ASPM: variants seen among roughly 807,000 people sequenced by gnomAD.
The protein encoded by ASPM is assembly factor for spindle microtubules.
A neutral mutation model predicts 366.4 loss-of-function variants in ASPM; 256 were observed. That is an observed-to-expected ratio of 0.70 (90% CI 0.63 to 0.77). The LOEUF is 0.77. Among genes scored for constraint, ASPM ranks in the 30% least tolerant of loss-of-function variants. The pLI is 0.00. For synonymous variants in ASPM, 1,414 were observed against 1,342.9 expected, an observed-to-expected ratio of 1.05 and a Z score of -1.16; for missense variants, 4,146 against 4,090.4, an observed-to-expected ratio of 1.01 and a Z score of -0.37.
At chr1:197,133,226 G>A (rs1658316293) in intron 6 of ASPM, 124 bp downstream of exon 6, 1 of 971,018 alleles carries the variant, frequency 1.0e-6, no homozygotes, top group Admixed American at 2.8e-5. Context: ...ACATCATGTT[G>A]TATACCTTAA....
Position 197,090,973 on chromosome 1 carries a change from C to T in ASPM, c.9513G>A (p.Glu3171=), listed in dbSNP as rs1656764848. 1.9e-6 allele frequency: 3 copies of T among 1,612,630 alleles called. No individual in the cohort carries two copies. Among genetic ancestry groups the T allele is most frequent in the Admixed American group, 1.7e-5 (1 of 59,938 alleles). ...GGCTCAGACATTCTTGACCTTCATG[C>T]TCAATCTTTTTGATGCTATGATATT... ...IQKYHSIKKI[E]HEGQECLSQR... Residue 3171 remains glutamate, a synonymous_variant, in exon 23 of 28, where the codon GAG becomes GAA. Coordinates refer to ENST00000367409, the MANE Select transcript of ASPM (RefSeq NM_018136.5).
chr1:197,132,761 A>G (rs1043287342), intron 6 of ASPM, among the ~76,000 whole-genome samples: 2 of 149,058 alleles, frequency 1.3e-5, no homozygotes, highest in Non-Finnish European at 3.0e-5. Flanking sequence ...TATGATAAAT[A>G]TATATATATT....
intron 13 of ASPM, among the ~76,000 whole-genome samples, chr1:197,123,346 G>A (rs1017737099): frequency 2.0e-5 from 3 of 152,250 alleles, no homozygotes; most frequent in South Asian, 4.1e-4. Context: ...AGCTGGCTAT[G>A]AGGGCCCAGG....
In ASPM at chr1:197,122,041, C is replaced by T; in HGVS notation, c.3744G>A (p.Val1248=). 6.2e-7 allele frequency: 1 copy of T among 1,611,440 alleles called. No homozygotes were observed. Among genetic ancestry groups the T allele is most frequent in the Non-Finnish European group, 8.5e-7 (1 of 1,178,452 alleles). The change falls in exon 16 of 28, where the codon GTG becomes GTA. Residue 1248 remains valine (V), a splice_region_variant and synonymous_variant. Coordinates refer to ENST00000367409, the MANE Select transcript of ASPM (RefSeq NM_018136.5). ...AAAGAAATGACAAATAGGTAATAAC[C>T]ACCTAAAAAAAACCCACAAAAGATA... ...DMSNTIPDEK[V]VITYLSFLCA... is the part of the protein sequence containing the mutation.
chr1:197,130,788 C>A (rs1658233163), intron 7 of ASPM, among the ~76,000 whole-genome samples: 1 of 152,116 alleles, frequency 6.6e-6, no homozygotes. Flanking sequence ...GATTATACAT[C>A]CCCACCACCT....
In ASPM at chr1:197,129,208, G is replaced by T; in HGVS notation, c.2739C>A (p.Phe913Leu). 6.2e-7 allele frequency: 1 copy of T among 1,612,430 alleles called. No individual in the cohort carries two copies. The highest frequency in any genetic ancestry group is 8.5e-7 in the Non-Finnish European group (1 of 1,178,770). Reference sequence around the variant, plus strand: ...ATACCTTGAATTCGGCATCTTTACAGAAGAGACAAGGATCATGATCAATGA... The same window carrying T: ...ATACCTTGAATTCGGCATCTTTACATAAGAGACAAGGATCATGATCAATGA... ...SRLIDHDPCL[F>L]CKDAEFKASK... Residue 913 changes from phenylalanine to leucine, a missense_variant, in exon 9 of 28, where the codon TTC becomes TTA. Phe to Leu is a conservative substitution (Grantham distance 22). Transcript: ENST00000367409.
chr1:197,138,069 C>T (rs1331885661), intron 4 of ASPM, among the ~76,000 whole-genome samples: 2 of 152,160 alleles, frequency 1.3e-5, no homozygotes, highest in Non-Finnish European at 2.9e-5. Context: ...GAGTCCCCAA[C>T]AAAGCCTCAA....
intron 17 of ASPM, among the ~76,000 whole-genome samples, chr1:197,107,192 GT>G (rs1370736712): frequency 6.6e-6 from 1 of 151,958 alleles, no homozygotes; most frequent in African/African-American, 2.4e-5. Flanking sequence ...GAATTTCTAG[GT>G]TCACCACCAA....
In ASPM at chr1:197,101,612, T is replaced by C. The variant is rs2125094153; in HGVS notation, c.7639A>G (p.Arg2547Gly). The C allele has an allele frequency of 6.2e-7, 1 of 1,611,182 alleles. No homozygotes were observed. Among genetic ancestry groups the C allele is most frequent in the Non-Finnish European group, 8.5e-7 (1 of 1,179,032 alleles). ...TTGTGTTTTTCCCTTAAAAGTTGTCTTGCTTTCATTCCTTTATATGCAGCC... is the reference window on the plus strand; with the variant it reads ...TTGTGTTTTTCCCTTAAAAGTTGTCCTGCTTTCATTCCTTTATATGCAGCC... ...IQAAYKGMKA[R>G]QLLREKHKAS... The change falls in exon 18 of 28, where the codon AGA (arginine) becomes GGA (glycine). Residue 2547 changes from arginine (R) to glycine (G), a missense_variant. By Grantham distance (125) the Arg-to-Gly change is moderately radical (BLOSUM62 -2). Around this residue, in one of 3 missense-constraint regions of ASPM, gnomAD observed 3,624 missense variants for 3,591.7 expected, o/e 1.01. Coordinates refer to ENST00000367409, the MANE Select transcript of ASPM (RefSeq NM_018136.5).
In ASPM at chr1:197,143,067, T is replaced by C. The variant is rs183395856; in HGVS notation, c.1185A>G (p.Gln395=). 5.6e-5 allele frequency: 91 copies of C among 1,613,032 alleles called. No individual in the cohort carries two copies. The East Asian group carries it at 8.7e-4, about 15-fold the overall frequency. Residue 395 remains glutamine, a synonymous_variant, in exon 3 of 28, where the codon CAA becomes CAG. Transcript: ENST00000367409. ...TATATGCCATGTTATCTTTTAAAAA[T>C]TGATTAGGGGATAAAATAGGATTAA... The part of the protein sequence containing the change: ...ESVNPILSPN[Q]FLKDNMAYMC...
intron 6 of ASPM, among the ~76,000 whole-genome samples, chr1:197,132,729 C>T (rs111891270): frequency 8.7e-5 from 13 of 148,994 alleles, no homozygotes; most frequent in African/African-American, 3.2e-4. Flanking sequence ...TGTGTGTGTA[C>T]GTATATATAC....
intron 13 of ASPM, among the ~76,000 whole-genome samples, chr1:197,123,520 T>C (rs1166425903): frequency 2.0e-5 from 3 of 152,190 alleles, no homozygotes; most frequent in African/African-American, 7.2e-5. Flanking sequence ...ATTATCCATA[T>C]GTTTAACAAT....
chr1:197,092,208 G>C, intron 21 of ASPM, 152 bp from the exon 22 acceptor site: 3 of 783,478 alleles, frequency 3.8e-6, no homozygotes, highest in Non-Finnish European at 6.2e-6. Flanking sequence ...GTAATTCAAA[G>C]TAATTACAAT....
chr1:197,126,467 AG>A (rs141515412), intron 10 of ASPM, among the ~76,000 whole-genome samples: 4,680 of 19,830 alleles, frequency 0.24, 1,513 homozygotes, highest in African/African-American at 0.31. Flanking sequence ...AAAAAAAAAA[AG>A]GGAGGGGGAC....
rs149284705 is a variant in ASPM at position 197,098,186 on chromosome 1, G to GATATAT, written c.8821-2028_8821-2023dup. Among the ~76,000 whole-genome samples, 10 of 146,200 alleles carry GATATAT rather than the reference G, an allele frequency of 6.8e-5. No individual in the cohort carries two copies. In the East Asian group the frequency reaches 1.4e-3, roughly 20 times the overall value. On this transcript the variant is annotated intron_variant, in intron 18 of 27. Coordinates refer to ENST00000367409, the MANE Select transcript of ASPM (RefSeq NM_018136.5). Reference sequence around the variant, plus strand: ...AAATCCCAAATGCTACAGAGAAGTTGATATATATATATATATAAAACATAC... The same window carrying GATATAT: ...AAATCCCAAATGCTACAGAGAAGTTGATATATATATATATATATATATAAAACATAC...
At chr1:197,086,155 A>G (rs946622964) in intron 27 of ASPM, among the ~76,000 whole-genome samples, 1 of 152,000 alleles carries the variant, frequency 6.6e-6, no homozygotes, top group African/African-American at 2.4e-5. Flanking sequence ...CTGTGTAACC[A>G]CTCAGGTCAA....
chr1:197,124,072 A>C (rs1658000316), intron 13 of ASPM, 38 bp downstream of exon 13: 10 of 1,519,746 alleles, frequency 6.6e-6, no homozygotes, highest in Non-Finnish European at 9.0e-6. Flanking sequence ...AAATTTATTA[A>C]AATATATTGG....
At chr1:197,136,588 G>A (rs1658426588) in intron 4 of ASPM, among the ~76,000 whole-genome samples, 1 of 152,000 alleles carries the variant, frequency 6.6e-6, no homozygotes, top group East Asian at 1.9e-4. Flanking sequence ...ACTCTAGGAT[G>A]TTATATGTAA....
At chr1:197,107,727 G>A (rs2125098043) in intron 17 of ASPM, among the ~76,000 whole-genome samples, 1 of 152,190 alleles carries the variant, frequency 6.6e-6, no homozygotes, top group South Asian at 2.1e-4. Flanking sequence ...ATATGAGTAA[G>A]AACCAAGTGA....
Sources: allele counts gnomAD v4.1 joint callset (sites outside exome capture counted in the v4.1 genomes callset), GRCh38; gene constraint gnomAD v4.1.1; regional missense constraint gnomAD v4.1.1; transcripts MANE v1.5; gene names NCBI Gene and HGNC (gene_info 2026-07-23, HGNC 2026-07-21).